CLEC9A: variants seen among roughly 807,000 people sequenced by gnomAD.
The protein encoded by CLEC9A is C-type lectin domain containing 9A, also known as C-type lectin domain family 9 member A.
A neutral mutation model predicts 30.0 loss-of-function variants in CLEC9A; 24 were observed. The observed-to-expected ratio is 0.80, with a 90% CI of 0.58 to 1.13. The LOEUF (loss-of-function observed/expected upper bound fraction) is 1.13, where lower values mean the gene tolerates loss of function less well. Ranked by LOEUF, CLEC9A falls within the 50% of genes most tolerant of loss-of-function variation. The pLI, the probability that CLEC9A is intolerant of heterozygous loss-of-function variation, is 0.00. For synonymous variants in CLEC9A, 111 were observed against 96.8 expected, an observed-to-expected ratio of 1.15 and a Z score of -0.86; for missense variants, 251 against 280.9, an observed-to-expected ratio of 0.89 and a Z score of 0.76.
At chr12:10,065,229 A>G (rs1157330031) in intron 8 of CLEC9A, among the ~76,000 whole-genome samples, 2 of 152,212 alleles carry the variant, frequency 1.3e-5, no homozygotes, top group Non-Finnish European at 2.9e-5. Flanking sequence ...TATTTTGAAA[A>G]TTAAGAGTCA....
chr12:10,062,450 T>C (rs1866006066), intron 6 of CLEC9A, among the ~76,000 whole-genome samples: 1 of 152,232 alleles, frequency 6.6e-6, no homozygotes, highest in Non-Finnish European at 1.5e-5. Context: ...ATAAAACTGA[T>C]TAAACATTAA....
At chr12:10,037,766 T>G (rs10845024) in intron 1 of CLEC9A, among the ~76,000 whole-genome samples, 92,550 of 152,058 alleles carry the variant, frequency 0.61, 30,832 homozygotes, top group Middle Eastern at 0.82. Flanking sequence ...TAACTGCATG[T>G]CAGTCACTAT....
At chr12:10,056,640 G>T (rs773627026) in intron 5 of CLEC9A, among the ~76,000 whole-genome samples, 2 of 152,144 alleles carry the variant, frequency 1.3e-5, no homozygotes, top group Non-Finnish European at 2.9e-5. Flanking sequence ...TACTAAAAGT[G>T]AGGGCAAGAG....
At chr12:10,033,558 C>T (rs1043605095) in intron 1 of CLEC9A, among the ~76,000 whole-genome samples, 1 of 152,176 alleles carries the variant, frequency 6.6e-6, no homozygotes, top group African/African-American at 2.4e-5. Context: ...ATATTCCATA[C>T]CTACGGTTCC....
intron 2 of CLEC9A, among the ~76,000 whole-genome samples, chr12:10,044,585 T>A (rs1453193940): frequency 6.6e-6 from 1 of 152,166 alleles, no homozygotes; most frequent in Non-Finnish European, 1.5e-5. Context: ...CCTCCACAAC[T>A]CCATGACTGT....
intron 1 of CLEC9A, among the ~76,000 whole-genome samples, chr12:10,040,562 T>C (rs1392739687): frequency 6.6e-6 from 1 of 151,936 alleles, no homozygotes; most frequent in East Asian, 2.0e-4. Context: ...GCCATTCTCC[T>C]GCCTCAGCCT....
At chr12:10,036,687 T>C (rs1472051379) in intron 1 of CLEC9A, among the ~76,000 whole-genome samples, 1 of 152,228 alleles carries the variant, frequency 6.6e-6, no homozygotes, top group African/African-American at 2.4e-5. Flanking sequence ...GTTATCTTAG[T>C]ATCTTTTACT....
chr12:10,032,679 C>T (rs1478262507), intron 1 of CLEC9A, among the ~76,000 whole-genome samples: 4 of 152,092 alleles, frequency 2.6e-5, no homozygotes, highest in African/African-American at 4.8e-5. Flanking sequence ...GTGTGAGCCA[C>T]CGCGCCCGGC....
At chr12:10,044,092 A>C (rs1475927123) in intron 2 of CLEC9A, among the ~76,000 whole-genome samples, 1 of 152,152 alleles carries the variant, frequency 6.6e-6, no homozygotes, top group Non-Finnish European at 1.5e-5. Flanking sequence ...TCTATCCTTC[A>C]AGTCTCCAAG....
Position 10,054,351 on chromosome 12 carries a change from T to G in CLEC9A, c.172T>G (p.Leu58Val). The change falls in exon 5 of 9, where the codon TTG (leucine) becomes GTG (valine). Residue 58 changes from leucine (L) to valine (V), a missense_variant and splice_region_variant. By Grantham distance (32) the Leu-to-Val change is conservative (BLOSUM62 1). Transcript: ENST00000355819. ...AGCATCCATTTTCTTGGGCGTCAAG[T>G]GTAAGTACTAAAAGATATTTTCAAA... The part of the protein sequence containing the change: ...LTASIFLGVK[L>V]LQVSTIAMQQ... 1 of 1,595,244 alleles carries G rather than the reference T, an allele frequency of 6.3e-7. No homozygotes were observed. Among genetic ancestry groups the G allele is most frequent in the Non-Finnish European group, 8.6e-7 (1 of 1,164,412 alleles).
Position 10,041,610 on chromosome 12 carries a change from A to G in CLEC9A, c.-173A>G. ...GCTACTCTCCTGAAGACTGACAACC[A>G]GAACATTCTGGTAAGAAGATTCTTA... On this transcript the variant is annotated 5_prime_UTR_variant, in exon 2 of 9. Transcript: ENST00000355819. The G allele has an allele frequency of 1.9e-6, 1 of 530,500 alleles. No individual in the cohort carries two copies. The highest frequency in any genetic ancestry group is 5.4e-5 in the East Asian group (1 of 18,580). 32.9% of individuals were successfully genotyped at this position (530,500 alleles called of 1,614,324 possible).
intron 7 of CLEC9A, 68 bp from the exon 8 acceptor site, chr12:10,064,664 A>C: frequency 6.7e-7 from 1 of 1,503,628 alleles, no homozygotes; most frequent in Non-Finnish European, 9.0e-7. Flanking sequence ...AAAATGTCAC[A>C]CTTTATATTT....
rs144387952 is a variant in CLEC9A at position 10,031,641 on chromosome 12, G to T, written c.-318+669G>T. 8.6e-4 allele frequency among the ~76,000 whole-genome samples: 131 copies of T among 152,254 alleles called. 4 individuals are homozygous for T. The East Asian group carries it at 0.024, about 28-fold the overall frequency. The stretch of plus-strand genomic sequence containing the variant: ...TTTTATTTAGAAACGGGAGTAGCAA[G>T]ACCAGGTGCAGTTAGTTACACCTGT... On this transcript the variant is annotated intron_variant, in intron 1 of 8. Transcript: ENST00000355819.
At chr12:10,035,339 G>A (rs1344181072) in intron 1 of CLEC9A, among the ~76,000 whole-genome samples, 1 of 152,142 alleles carries the variant, frequency 6.6e-6, no homozygotes, top group African/African-American at 2.4e-5. Flanking sequence ...GCAAAGGCCC[G>A]GGGGTGGAGC....
intron 5 of CLEC9A, among the ~76,000 whole-genome samples, chr12:10,058,591 G>A (rs936655884): frequency 6.6e-6 from 1 of 152,148 alleles, no homozygotes; most frequent in Admixed American, 6.5e-5. Context: ...AGTGCGGAGT[G>A]CAGAGTGCAG....
intron 5 of CLEC9A, 129 bp downstream of exon 5, chr12:10,054,480 C>T (rs1865922902): frequency 4.8e-6 from 3 of 622,290 alleles, no homozygotes; most frequent in Non-Finnish European, 8.1e-6. Flanking sequence ...CCTCAAATTT[C>T]AATCATTTGA....
intron 5 of CLEC9A, among the ~76,000 whole-genome samples, chr12:10,056,313 C>T (rs2137310715): frequency 6.6e-6 from 1 of 152,082 alleles, no homozygotes; most frequent in East Asian, 1.9e-4. Flanking sequence ...AAATACCCAC[C>T]ACATTGATAA....
intron 5 of CLEC9A, among the ~76,000 whole-genome samples, chr12:10,057,784 A>G (rs1865955713): frequency 6.6e-6 from 1 of 152,068 alleles, no homozygotes; most frequent in Non-Finnish European, 1.5e-5. Context: ...ACTTAACTTT[A>G]ATTTTCTTCC....
chr12:10,064,760 T>C lies in CLEC9A; in HGVS notation c.500T>C (p.Ile167Thr). The C allele has an allele frequency of 6.2e-7, 1 of 1,612,426 alleles. No homozygotes were observed. The highest frequency in any genetic ancestry group is 8.5e-7 in the Non-Finnish European group (1 of 1,179,162). ...MDFITGSLRK[I>T]KGSYDYWVGL... Reference sequence around the variant, plus strand: ...TTTATCACTGGCAGCTTGAGGAAGATTAAAGGAAGCTATGATTACTGGGTG... The same window carrying C: ...TTTATCACTGGCAGCTTGAGGAAGACTAAAGGAAGCTATGATTACTGGGTG... Residue 167 changes from isoleucine (I) to threonine (T), a missense_variant, in exon 8 of 9, where the codon ATT becomes ACT. Transcript: ENST00000355819.
Sources: gnomAD v4.1 joint callset for allele counts (sites outside exome capture counted in the v4.1 genomes callset) on GRCh38, gnomAD v4.1.1 for gene constraint, MANE v1.5 for transcripts, NCBI Gene and HGNC (gene_info 2026-07-23, HGNC 2026-07-21) for gene names.